F13A1: variants seen among roughly 807,000 people sequenced by gnomAD.
F13A1 encodes the protein FSF, A subunit.
In F13A1, 47 loss-of-function variants were observed where a neutral mutation model predicts 80.1. The observed-to-expected ratio is 0.59, with a 90% confidence interval of 0.46 to 0.75. The LOEUF (loss-of-function observed/expected upper bound fraction) is 0.75, where lower values mean the gene tolerates loss of function less well. Among genes scored for constraint, F13A1 ranks in the 30% least tolerant of loss-of-function variants. The pLI is 0.00. For synonymous variants in F13A1, 349 were observed against 344.9 expected, an observed-to-expected ratio of 1.01 and a Z score of -0.13; for missense variants, 817 against 930.4, an observed-to-expected ratio of 0.88 and a Z score of 1.59.
At position 6,278,428 on chromosome 6, in the gene F13A1, G is replaced by T. The variant is rs768665997; in HGVS notation, c.320-11619C>A. On this transcript the variant is annotated intron_variant, in intron 3 of 14. Coordinates refer to ENST00000264870, the MANE Select transcript of F13A1 (RefSeq NM_000129.4). ...GCAGTGCAAATATCAGGGGACAGGT[G>T]TCATCAGTGCAAAGACCCTGTGGGA... is the stretch of plus-strand genomic sequence containing the variant. Among the ~76,000 whole-genome samples the T allele has an allele frequency of 9.2e-4, 140 of 152,226 alleles. 2 individuals carry two copies. The highest frequency in any genetic ancestry group is 2.2e-3 in the Admixed American group (33 of 15,288).
At chr6:6,159,575 T>C (rs1174187152) in intron 13 of F13A1, among the ~76,000 whole-genome samples, 1 of 151,918 alleles carries the variant, frequency 6.6e-6, no homozygotes, top group African/African-American at 2.4e-5. Flanking sequence ...GGTTGGCGAG[T>C]GGGCTGGACT....
intron 3 of F13A1, among the ~76,000 whole-genome samples, chr6:6,273,439 T>A (rs1046683264): frequency 2.6e-5 from 4 of 152,142 alleles, no homozygotes; most frequent in Non-Finnish European, 5.9e-5. Flanking sequence ...AGAAAGAAAC[T>A]TTTTTATTTC....
intron 11 of F13A1, among the ~76,000 whole-genome samples, chr6:6,177,316 G>A (rs187932804): frequency 2.6e-5 from 4 of 152,266 alleles, no homozygotes; most frequent in African/African-American, 9.6e-5. Flanking sequence ...CTTACCTTGT[G>A]TAATGTGTCC....
chr6:6,276,041 G>A (rs780463691), intron 3 of F13A1, among the ~76,000 whole-genome samples: 1 of 152,204 alleles, frequency 6.6e-6, no homozygotes, highest in South Asian at 2.1e-4. Flanking sequence ...AGGAGTCAAA[G>A]AATCTGGACT....
At chr6:6,232,859 G>T (rs1344192372) in intron 6 of F13A1, among the ~76,000 whole-genome samples, 1 of 152,128 alleles carries the variant, frequency 6.6e-6, no homozygotes, top group Non-Finnish European at 1.5e-5. Flanking sequence ...TGAGCATTGG[G>T]TCAAAAACAA....
intron 2 of F13A1, among the ~76,000 whole-genome samples, chr6:6,318,009 T>A (rs879840152): frequency 2.0e-5 from 3 of 152,134 alleles, no homozygotes; most frequent in Admixed American, 6.5e-5. Flanking sequence ...CCTTGCCAGC[T>A]CACCAGGCTG....
At chr6:6,274,344 C>T (rs191692611) in intron 3 of F13A1, among the ~76,000 whole-genome samples, 6 of 152,256 alleles carry the variant, frequency 3.9e-5, no homozygotes, top group African/African-American at 7.2e-5. Flanking sequence ...AAATGTAAGG[C>T]GTAATTTTGT....
Position 6,147,363 on chromosome 6 carries a change from T to C in F13A1, c.2046-1591A>G, listed in dbSNP as rs1760303208. On this transcript the variant is annotated intron_variant, in intron 14 of 14. Coordinates refer to ENST00000264870, the MANE Select transcript of F13A1 (RefSeq NM_000129.4). The stretch of plus-strand genomic sequence containing the variant: ...ATTGTGCTTACTTTTTCATAGGTTT[T>C]ATTTCTCAAGCAGGAAAGATACTTT... Among the ~76,000 whole-genome samples, 2 of 152,200 alleles carry C rather than the reference T, an allele frequency of 1.3e-5. 1 individual carries two copies. The highest frequency in any genetic ancestry group is 4.1e-4 in the South Asian group (2 of 4,832).
At chr6:6,287,273 T>C (rs1356335030) in intron 3 of F13A1, among the ~76,000 whole-genome samples, 2 of 152,192 alleles carry the variant, frequency 1.3e-5, no homozygotes, top group East Asian at 3.8e-4. Flanking sequence ...AAGAATGTCT[T>C]AGAATTTATG....
At chr6:6,220,719 T>C (rs1041898904) in intron 8 of F13A1, among the ~76,000 whole-genome samples, 1 of 152,228 alleles carries the variant, frequency 6.6e-6, no homozygotes, top group African/African-American at 2.4e-5. Flanking sequence ...AGGGCTGCTA[T>C]ATTATAATTC....
intron 3 of F13A1, among the ~76,000 whole-genome samples, chr6:6,298,625 C>T (rs1174300281): frequency 2.0e-5 from 3 of 149,354 alleles, no homozygotes; most frequent in Admixed American, 6.6e-5. Context: ...ATCCTTTTAT[C>T]TTGAGCCTAT....
rs551630708 is a variant in F13A1, at chr6:6,153,104, C to T, written c.1909-1155G>A. ...AACTCCAATACTTAGTACTTCAATA[C>T]CAATGTCCAGTAAATATTTATTAAA... On this transcript the variant is annotated intron_variant, in intron 13 of 14. Transcript: ENST00000264870. Among the ~76,000 whole-genome samples the T allele has an allele frequency of 1.1e-3, 168 of 152,284 alleles. 2 individuals are homozygous for T. Among genetic ancestry groups the T allele is most frequent in the Middle Eastern group, 0.01 (3 of 294 alleles).
intron 8 of F13A1, among the ~76,000 whole-genome samples, chr6:6,208,720 T>C (rs1202752018): frequency 6.6e-6 from 1 of 152,148 alleles, no homozygotes; most frequent in East Asian, 1.9e-4. Context: ...AAAAAAATAA[T>C]TTACCATGTA....
chr6:6,307,046 C>G (rs1758522511), intron 2 of F13A1, among the ~76,000 whole-genome samples: 1 of 152,208 alleles, frequency 6.6e-6, no homozygotes, highest in Non-Finnish European at 1.5e-5. Flanking sequence ...AGGTACTTTA[C>G]CTTTCAGAAT....
At chr6:6,300,782 A>C (rs1212641649) in intron 3 of F13A1, among the ~76,000 whole-genome samples, 1 of 149,680 alleles carries the variant, frequency 6.7e-6, no homozygotes, top group South Asian at 2.1e-4. Context: ...GATTCTTTTA[A>C]GTGCCCTTTA....
intron 3 of F13A1, among the ~76,000 whole-genome samples, chr6:6,283,865 A>T (rs1758099880): frequency 6.6e-6 from 1 of 152,226 alleles, no homozygotes; most frequent in African/African-American, 2.4e-5. Context: ...AAGAAGCATC[A>T]GCTGTAAGAG....
At position 6,167,579 on chromosome 6, in the gene F13A1, A is replaced by G; in HGVS notation, c.1787T>C (p.Met596Thr). The change falls in exon 13 of 15, where the codon ATG (methionine) becomes ACG (threonine). Residue 596 changes from methionine to threonine, a missense_variant. Coordinates refer to ENST00000264870, the MANE Select transcript of F13A1 (RefSeq NM_000129.4). ...GGACGCTTGTTCCAGCAGCTGACCC[A>G]TGTACTCGCCGGCTTGGATCAGCAC... Reference protein sequence around the residue: ...EAVLIQAGEYMGQLLEQASLH... With the variant: ...EAVLIQAGEYTGQLLEQASLH... 6.2e-7 allele frequency: 1 copy of G among 1,613,970 alleles called. No homozygotes were observed. The highest frequency in any genetic ancestry group is 8.5e-7 in the Non-Finnish European group (1 of 1,180,002).
At chr6:6,202,986 T>C (rs1761424487) in intron 8 of F13A1, among the ~76,000 whole-genome samples, 1 of 152,226 alleles carries the variant, frequency 6.6e-6, no homozygotes, top group Non-Finnish European at 1.5e-5. Context: ...TTTGAATTTG[T>C]ACACGGGAAA....
intron 2 of F13A1, among the ~76,000 whole-genome samples, chr6:6,308,606 CTTT>C (rs770570204): frequency 0.15 from 12,865 of 87,884 alleles, 235 homozygotes; most frequent in Non-Finnish European, 0.19. Context: ...AAAACACATT[CTTT>C]TTTTTTTTTT....
Sources: allele counts gnomAD v4.1 joint callset (sites outside exome capture counted in the v4.1 genomes callset), GRCh38; gene constraint gnomAD v4.1.1; transcripts MANE v1.5; gene names NCBI Gene and HGNC (gene_info 2026-07-23, HGNC 2026-07-21).